The following SMARCD3 variants were observed in gnomAD, a reference collection of about 807,000 sequenced individuals.
SMARCD3 encodes the protein SWI/SNF related BAF chromatin remodeling complex subunit D3.
In SMARCD3, 14 loss-of-function variants were observed where a neutral mutation model predicts 58.0. The observed-to-expected ratio is 0.24, with a 90% CI of 0.16 to 0.38. SMARCD3 has a LOEUF of 0.38. Among genes scored for constraint, SMARCD3 ranks in the 10% least tolerant of loss-of-function variants. The pLI is 1.00. For missense variants in SMARCD3, 408 were observed against 636.9 expected, an observed-to-expected ratio of 0.64 and a Z score of 3.87; for synonymous variants, 253 against 253.8, an observed-to-expected ratio of 1.00 and a Z score of 0.03.
chr7:151,241,603 G>A lies in SMARCD3; in HGVS notation c.828C>T (p.His276=), dbSNP rs1050102. The A allele has an allele frequency of 6.3e-3, 10,179 of 1,611,608 alleles. 56 individuals carry two copies. The highest frequency in any genetic ancestry group is 8.6e-3 in the South Asian group (775 of 90,470). ...DPRLARLLGL[H]TQSRSAIVQA... is the part of the protein sequence containing the mutation. ...GGACAATGGCTGAGCGGCTCTGTGT[G>A]TGCAGCCCCAGCAGCCGGGCTAGGC... Residue 276 remains histidine (H), a synonymous_variant, in exon 8 of 13, where the codon CAC becomes CAT. Transcript: ENST00000262188. The surrounding 1 kb of genome is among the most constrained non-coding windows in gnomAD (Gnocchi z 5.3).
chr7:151,249,163 A>C (rs1325528849), upstream of SMARCD3, among the ~76,000 whole-genome samples: 1 of 151,818 alleles, frequency 6.6e-6, no homozygotes, highest in Admixed American at 6.6e-5. This position sits in a 1 kb window ranked among gnomAD's most constrained non-coding sequence, Gnocchi z 4.8. Flanking sequence ...TGGCAGGCCG[A>C]GCAGGGAAAC....
chr7:151,254,731 G>A (rs1428207685), intron 2 of SMARCD3, among the ~76,000 whole-genome samples: 1 of 152,126 alleles, frequency 6.6e-6, no homozygotes, highest in East Asian at 1.9e-4. Flanking sequence ...GACAGTGTCA[G>A]GGCAATCCTA....
Position 151,242,888 on chromosome 7 carries a change from G to T in SMARCD3, c.334-45C>A. The T allele has an allele frequency of 6.2e-7, 1 of 1,607,254 alleles. No homozygotes were observed. On this transcript the variant is annotated intron_variant, in intron 3 of 12. Transcript: ENST00000262188. The surrounding 1 kb of genome is among the most constrained non-coding windows in gnomAD (Gnocchi z 4.7). ...GCAGGAGTCAGAGGCTCAAGTCCAG[G>T]GTTGTACCATGGAATGTATGCATGT...
intron 2 of SMARCD3, among the ~76,000 whole-genome samples, chr7:151,273,678 C>A (rs1462879437): frequency 6.6e-6 from 1 of 152,220 alleles, no homozygotes; most frequent in Non-Finnish European, 1.5e-5. Flanking sequence ...TGCTTGGAGG[C>A]CTTGACTTTC....
chr7:151,251,551 A>C (rs1039081035), upstream of SMARCD3, among the ~76,000 whole-genome samples: 3 of 152,048 alleles, frequency 2.0e-5, no homozygotes, highest in Non-Finnish European at 4.4e-5. Context: ...CTCCTCACAA[A>C]GGCCAGGATC....
At chr7:151,253,177 G>A (rs1803582329), upstream of SMARCD3, among the ~76,000 whole-genome samples, 1 of 152,134 alleles carries the variant, frequency 6.6e-6, no homozygotes, top group Admixed American at 6.5e-5. Flanking sequence ...GCAGAGCGAC[G>A]GAGCTGTGCC....
At chr7:151,270,833 G>GGGGGCAGAAGATCACAGTGTGTGGACC (rs1248412293) in intron 2 of SMARCD3, among the ~76,000 whole-genome samples, 36 of 152,314 alleles carry the variant, frequency 2.4e-4, no homozygotes, top group African/African-American at 8.7e-4. Context: ...GCACTCAGAT[G>GGGGGCAGAAGATCACAGTGTGTGGACC]GGGGCAGAAG....
chr7:151,247,197 C>T (rs1354748734), intron 1 of SMARCD3, among the ~76,000 whole-genome samples: 1 of 152,124 alleles, frequency 6.6e-6, no homozygotes, highest in African/African-American at 2.4e-5. Context: ...CTGGGGCTCA[C>T]AGCCACTCAA....
rs774093886 is a variant in SMARCD3 at position 151,275,122 on chromosome 7, C to CGGTG, written c.27_30dup (p.Val11HisfsTer83). On this transcript the variant is annotated frameshift_variant, in exon 2 of 14. Transcript: ENST00000356800. LOFTEE classifies it high-confidence loss of function. The stretch of plus-strand genomic sequence containing the variant: ...GGGGAGGAAGCACCTACCTGTACCA[C>CGGTG]GGTGGGTGGGTGCTGAAGACCTGGA... 6.8e-6 allele frequency: 11 copies of CGGTG among 1,611,784 alleles called. No individual in the cohort carries two copies. The highest frequency in any genetic ancestry group is 1.7e-5 in the Admixed American group (1 of 59,880).
intron 9 of SMARCD3, 49 bp from the exon 10 acceptor site, chr7:151,240,296 C>T (rs756753473): frequency 2.5e-6 from 4 of 1,612,630 alleles, no homozygotes; most frequent in East Asian, 2.2e-5. Flanking sequence ...CCATACGGCC[C>T]CAGGGCCCCG....
chr7:151,261,615 T>C (rs1803920071), intron 2 of SMARCD3, among the ~76,000 whole-genome samples: 1 of 152,196 alleles, frequency 6.6e-6, no homozygotes, highest in Non-Finnish European at 1.5e-5. Context: ...GCTGTTAACA[T>C]CAGCTTCCCA....
rs1803019889 is a variant in SMARCD3 at position 151,242,076 on chromosome 7, T to TC, written c.675+60_675+61insG. On this transcript the variant is annotated intron_variant, in intron 6 of 12. Coordinates refer to ENST00000262188, the MANE Select transcript of SMARCD3 (RefSeq NM_001003801.2). The surrounding 1 kb of genome is among the most constrained non-coding windows in gnomAD (Gnocchi z 4.7). ...CCCTGACCCAAATCTGTGCTGGTTCTTCAGGGATTCTGGCCTGTGGGAGGG... is the reference window on the plus strand; with the variant it reads ...CCCTGACCCAAATCTGTGCTGGTTCTCTCAGGGATTCTGGCCTGTGGGAGGG... 1.6e-4 allele frequency: 248 copies of TC among 1,543,034 alleles called. No homozygotes were observed. The highest frequency in any genetic ancestry group is 2.2e-4 in the Non-Finnish European group (245 of 1,115,664).
Position 151,238,952 on chromosome 7 carries a change from T to G in SMARCD3, c.*151A>C. 1 of 1,073,406 alleles carries G rather than the reference T, an allele frequency of 9.3e-7. No individual in the cohort carries two copies. Among genetic ancestry groups the G allele is most frequent in the Non-Finnish European group, 1.4e-6 (1 of 713,408 alleles). The allele number at this position is 1,073,406 out of a possible 1,614,324, so 66.5% of individuals were successfully genotyped here. ...CTTCTCTCCCCCTCCCCTCCCCAGT[T>G]TCCAATGACCACACGGCTGCTGTCA... On this transcript the variant is annotated 3_prime_UTR_variant, in exon 13 of 13. Transcript: ENST00000262188.
rs139721293 is a variant in SMARCD3 at position 151,261,394 on chromosome 7, G to A, written c.39+13720C>T. ...CAGGGTTGAGAACCACAGCCCTTGA[G>A]TCAATTGGTTCTGGGTTCAAACCCC... is the stretch of plus-strand genomic sequence containing the variant. On this transcript the variant is annotated intron_variant, in intron 2 of 13. Coordinates refer to the SMARCD3 transcript ENST00000356800. Among the ~76,000 whole-genome samples, 9 of 152,186 alleles carry A rather than the reference G, an allele frequency of 5.9e-5. 1 individual carries two copies. Among genetic ancestry groups the A allele is most frequent in the Non-Finnish European group, 7.3e-5 (5 of 68,036 alleles).
rs1387892847 is a variant in SMARCD3 at position 151,242,755 on chromosome 7, A to G, written c.422T>C (p.Val141Ala). 2 of 1,613,816 alleles carry G rather than the reference A, an allele frequency of 1.2e-6. No homozygotes were observed. Among genetic ancestry groups the G allele is most frequent in the East Asian group, 2.2e-5 (1 of 44,848 alleles). The change falls in exon 4 of 13, where the codon GTG (valine) becomes GCG (alanine). Residue 141 changes from valine (V) to alanine (A), a missense_variant. By Grantham distance (64) the Val-to-Ala change is moderately conservative. Coordinates refer to ENST00000262188, the MANE Select transcript of SMARCD3 (RefSeq NM_001003801.2). The surrounding 1 kb of genome is among the most constrained non-coding windows in gnomAD (Gnocchi z 4.7). ...KLDQTIMRKRVDIQEALKRPM... is the reference protein window; with the variant it reads ...KLDQTIMRKRADIQEALKRPM... ...CCTCTTCAGAGCCTCCTGGATGTCCACCCGCTTCCGCATGATGGTTTGATC... is the reference window on the plus strand; with the variant it reads ...CCTCTTCAGAGCCTCCTGGATGTCCGCCCGCTTCCGCATGATGGTTTGATC...
intron 2 of SMARCD3, among the ~76,000 whole-genome samples, chr7:151,265,981 T>C (rs1279412355): frequency 6.6e-6 from 1 of 152,200 alleles, no homozygotes; most frequent in East Asian, 1.9e-4. Flanking sequence ...CTTTTCTTTC[T>C]TTCTTTGATA....
At position 151,245,344 on chromosome 7, in the gene SMARCD3, C is replaced by A; in HGVS notation, c.290+116G>T. ...GGCATTCGACCCGGGAAGCCTCGCTCCCTGCTAATCATTCTTCCTCGCCCC... is the reference window on the plus strand; with the variant it reads ...GGCATTCGACCCGGGAAGCCTCGCTACCTGCTAATCATTCTTCCTCGCCCC... On this transcript the variant is annotated intron_variant, in intron 2 of 12. Transcript: ENST00000262188. This position sits in a 1 kb window ranked among gnomAD's most constrained non-coding sequence, Gnocchi z 6.2. 1 of 417,484 alleles carries A rather than the reference C, an allele frequency of 2.4e-6. No homozygotes were observed. The highest frequency in any genetic ancestry group is 1.3e-4 in the South Asian group (1 of 7,948). 25.9% of individuals were successfully genotyped at this position (417,484 alleles called of 1,614,324 possible).
intron 1 of SMARCD3, among the ~76,000 whole-genome samples, chr7:151,276,332 G>A (rs1253799882): frequency 2.7e-5 from 4 of 148,408 alleles, no homozygotes; most frequent in Non-Finnish European, 6.0e-5. Flanking sequence ...TGCCAGACAG[G>A]GGGAGTAGGA....
At chr7:151,269,892 T>C (rs1795117199) in intron 2 of SMARCD3, among the ~76,000 whole-genome samples, 1 of 152,184 alleles carries the variant, frequency 6.6e-6, no homozygotes, top group African/African-American at 2.4e-5. Context: ...TGAGTACCCC[T>C]TCCCCATCTG....
Sources: gnomAD v4.1 joint callset for allele counts (sites outside exome capture counted in the v4.1 genomes callset) on GRCh38, gnomAD v4.1.1 for gene constraint, Gnocchi (gnomAD v3.1) non-coding constraint, MANE v1.5 for transcripts, NCBI Gene and HGNC (gene_info 2026-07-23, HGNC 2026-07-21) for gene names.